The following DPP6 variants were observed in gnomAD, a reference collection of about 807,000 sequenced individuals.
DPP6 encodes the protein A-type potassium channel modulatory protein DPP6.
Under a neutral mutation model 122.6 loss-of-function variants are expected in DPP6, and 69 were observed. That is an observed-to-expected ratio of 0.56 (90% CI 0.46 to 0.69). DPP6 has a LOEUF of 0.69. Among genes scored for constraint, DPP6 ranks in the 30% least tolerant of loss-of-function variants. The pLI, the probability that DPP6 is intolerant of heterozygous loss-of-function variation, is 0.00. For missense variants in DPP6, 928 were observed against 1,116.9 expected (o/e 0.83, Z 2.41); for synonymous variants, 418 against 433.1 (o/e 0.97, Z 0.43).
At chr7:154,031,533 A>G (rs1157140286) in intron 1 of DPP6, among the ~76,000 whole-genome samples, 4 of 151,980 alleles carry the variant, frequency 2.6e-5, no homozygotes, top group Non-Finnish European at 5.9e-5. Context: ...GCAATTGCAG[A>G]TATCTTGAAA....
intron 3 of DPP6, among the ~76,000 whole-genome samples, chr7:154,526,668 CAT>C (rs1262943921): frequency 4.6e-5 from 7 of 152,334 alleles, no homozygotes; most frequent in African/African-American, 1.7e-4. Flanking sequence ...GCATTTGACT[CAT>C]GTTTCCTGAA....
intron 1 of DPP6, among the ~76,000 whole-genome samples, chr7:153,953,157 T>C (rs1802300141): frequency 6.6e-6 from 1 of 152,190 alleles, no homozygotes; most frequent in Non-Finnish European, 1.5e-5. Context: ...TTTAAAAAAA[T>C]TCAGTAGTCT....
intron 1 of DPP6, among the ~76,000 whole-genome samples, chr7:154,278,050 C>T (rs1804254819): frequency 6.6e-6 from 1 of 152,124 alleles, no homozygotes; most frequent in South Asian, 2.1e-4. Flanking sequence ...GTGGTTCAGC[C>T]ACTGCAAAAT....
At chr7:154,386,385 C>T (rs1814116312) in intron 1 of DPP6, among the ~76,000 whole-genome samples, 1 of 151,666 alleles carries the variant, frequency 6.6e-6, no homozygotes, top group African/African-American at 2.4e-5. Flanking sequence ...AAAAGATTTG[C>T]AGGAGGAGAC....
At position 154,893,053 on chromosome 7, in the gene DPP6, G is replaced by T. The variant is rs535806320; in HGVS notation, c.*573G>T. On this transcript the variant is annotated 3_prime_UTR_variant, in exon 26 of 26. Transcript: ENST00000377770. ...CTGTACAGAGTCTTACTGTAGCTAC[G>T]CTAATGGTTAACCTGATAGAATTAA... The T allele has an allele frequency of 4.4e-5, 20 of 453,558 alleles. No individual in the cohort carries two copies. Among genetic ancestry groups the T allele is most frequent in the Non-Finnish European group, 8.0e-5 (18 of 225,998 alleles). 28.1% of individuals were successfully genotyped at this position (453,558 alleles called of 1,614,324 possible).
intron 1 of DPP6, among the ~76,000 whole-genome samples, chr7:154,106,084 G>A (rs1806142320): frequency 6.6e-6 from 1 of 152,054 alleles, no homozygotes; most frequent in Admixed American, 6.5e-5. Context: ...CAGCCCCCAT[G>A]GAGAGGAGAG....
At chr7:154,249,596 G>A (rs1802218647) in intron 1 of DPP6, among the ~76,000 whole-genome samples, 1 of 152,082 alleles carries the variant, frequency 6.6e-6, no homozygotes, top group South Asian at 2.1e-4. Context: ...ATTTTGTTTT[G>A]TGCTTGTCTT....
chr7:154,727,624 A>G (rs1842127498), intron 7 of DPP6, 143 bp from the exon 8 acceptor site: 2 of 1,187,064 alleles, frequency 1.7e-6, no homozygotes, highest in Non-Finnish European at 2.2e-6. Context: ...TAGACCTCCA[A>G]GAATTTTGAG....
intron 1 of DPP6, among the ~76,000 whole-genome samples, chr7:154,121,775 A>G (rs1200316466): frequency 7.2e-5 from 11 of 152,212 alleles, no homozygotes; most frequent in Admixed American, 1.3e-4. Flanking sequence ...GAGTCTAATA[A>G]TCCCTAATAT....
intron 1 of DPP6, among the ~76,000 whole-genome samples, chr7:153,892,315 A>T (rs1799235920): frequency 6.9e-6 from 1 of 145,356 alleles, no homozygotes; most frequent in South Asian, 2.2e-4. Flanking sequence ...CAAAGCTTCT[A>T]TTATTTTTTT....
chr7:153,749,734 T>G, the DPP6 span, among the ~76,000 whole-genome samples: 1 of 152,200 alleles, frequency 6.6e-6, no homozygotes, highest in African/African-American at 2.4e-5. The surrounding 1 kb of genome is among the most constrained non-coding windows in gnomAD (Gnocchi z 4.1). Flanking sequence ...ACGCCTCACC[T>G]GTCTGCCATT....
chr7:154,477,895 CTT>C lies in DPP6; in HGVS notation c.457+2860_457+2861del, dbSNP rs1822892789. On this transcript the variant is annotated intron_variant, in intron 3 of 25. Coordinates refer to ENST00000377770, the MANE Select transcript of DPP6 (RefSeq NM_130797.4). ...TCTGTAAATGTACACACTGAAGAAA[CTT>C]TGCTGTGAAGTAACCAAGTGGTTGG... Among the ~76,000 whole-genome samples the C allele has an allele frequency of 3.3e-5, 5 of 152,238 alleles. No individual in the cohort carries two copies. In the South Asian group the frequency reaches 1.0e-3, roughly 32 times the overall value.
At chr7:154,860,995 A>ATGTT (rs1369297800) in intron 17 of DPP6, among the ~76,000 whole-genome samples, 2 of 152,220 alleles carry the variant, frequency 1.3e-5, no homozygotes, top group African/African-American at 2.4e-5. Flanking sequence ...AGGAAAGTAA[A>ATGTT]TGTTAAAAGA....
At chr7:154,638,308 A>G (rs78942948) in intron 6 of DPP6, among the ~76,000 whole-genome samples, 10,722 of 152,296 alleles carry the variant, frequency 0.07, 624 homozygotes, top group East Asian at 0.34. Flanking sequence ...TCAGAGACAA[A>G]TCTGGAACAT....
chr7:153,958,906 A>G (rs1211885457), intron 1 of DPP6, among the ~76,000 whole-genome samples: 9 of 151,662 alleles, frequency 5.9e-5, no homozygotes. Context: ...CGCTTGGAAC[A>G]CAGTCTGCTC....
At chr7:153,898,229 A>G (rs1799489714) in intron 1 of DPP6, among the ~76,000 whole-genome samples, 1 of 152,032 alleles carries the variant, frequency 6.6e-6, no homozygotes, top group African/African-American at 2.4e-5. Flanking sequence ...GAGGTGGGAG[A>G]ATTACTTGAG....
chr7:153,782,022 A>G, the DPP6 span, among the ~76,000 whole-genome samples: 2 of 136,132 alleles, frequency 1.5e-5, no homozygotes, highest in Non-Finnish European at 3.2e-5. Flanking sequence ...CTGACATTTA[A>G]TATTGACTAT....
intron 1 of DPP6, among the ~76,000 whole-genome samples, chr7:154,173,451 T>C (rs1372451741): frequency 6.6e-6 from 1 of 152,136 alleles, no homozygotes. Context: ...CAGCCCCGGA[T>C]TTTTATTTCT....
At chr7:154,211,106 G>A (rs753395447) in intron 1 of DPP6, among the ~76,000 whole-genome samples, 1 of 152,178 alleles carries the variant, frequency 6.6e-6, no homozygotes, top group South Asian at 2.1e-4. Flanking sequence ...GCCTCTGTTA[G>A]TGCTTCCTCT....
Sources: allele counts gnomAD v4.1 joint callset (sites outside exome capture counted in the v4.1 genomes callset), GRCh38; gene constraint gnomAD v4.1.1; non-coding constraint Gnocchi (gnomAD v3.1); transcripts MANE v1.5; gene names NCBI Gene and HGNC (gene_info 2026-07-23, HGNC 2026-07-21).